The following STK40 variants were observed in gnomAD, a reference collection of about 807,000 sequenced individuals.
STK40 encodes the protein serine/threonine kinase 40.
STK40 carries 13 observed loss-of-function variants against 47.9 expected under a neutral mutation model. That is an observed-to-expected ratio of 0.27 (90% CI 0.18 to 0.43). The LOEUF is 0.43. Among genes scored for constraint, STK40 ranks in the 20% least tolerant of loss-of-function variants. The probability of loss-of-function intolerance (pLI) is 1.00; values close to 1 mark genes in which losing one functional copy is unlikely to be tolerated. For missense variants in STK40, 460 were observed against 595.1 expected (o/e 0.77, Z 2.36); for synonymous variants, 225 against 243.2 (o/e 0.93, Z 0.69).
intron 4 of STK40, 24 bp downstream of exon 4, chr1:36,358,215 A>G (rs1363272350): frequency 6.4e-7 from 1 of 1,562,870 alleles, no homozygotes; most frequent in Non-Finnish European, 8.7e-7. Context: ...GTGAGCGCGA[A>G]GGGTGAGGGG....
In STK40 at chr1:36,344,245, C is replaced by T. The variant is rs1646680167; in HGVS notation, c.759G>A (p.Lys253=). 6.2e-7 allele frequency: 1 copy of T among 1,609,134 alleles called. No homozygotes were observed. Among genetic ancestry groups the T allele is most frequent in the Admixed American group, 1.7e-5 (1 of 59,624 alleles). ...CGCCCAGGGCCCACATGTCACTGGGCTTGCCACGGTACGGCCGGCCTACGG... is the reference window on the plus strand; with the variant it reads ...CGCCCAGGGCCCACATGTCACTGGGTTTGCCACGGTACGGCCGGCCTACGG... ...DVLSGRPYRG[K]PSDMWALGVV... is the part of the protein sequence containing the mutation. The change falls in exon 8 of 11, where the codon AAG becomes AAA. Residue 253 remains lysine, a synonymous_variant. Coordinates refer to ENST00000373132, the MANE Select transcript of STK40 (RefSeq NM_001282547.2).
intron 1 of STK40, among the ~76,000 whole-genome samples, chr1:36,364,187 C>T (rs1646881694): frequency 6.6e-6 from 1 of 152,128 alleles, no homozygotes; most frequent in African/African-American, 2.4e-5. Context: ...AAATATACAT[C>T]TTGTCATACT....
chr1:36,383,548 C>T (rs1647058848), intron 1 of STK40, among the ~76,000 whole-genome samples: 1 of 152,238 alleles, frequency 6.6e-6, no homozygotes, highest in Non-Finnish European at 1.5e-5. Flanking sequence ...CTAGGTTTGT[C>T]TCCGAAGAGT....
At chr1:36,385,291 G>C (rs572746602) in intron 1 of STK40, among the ~76,000 whole-genome samples, 1 of 152,346 alleles carries the variant, frequency 6.6e-6, no homozygotes, top group South Asian at 2.1e-4. Flanking sequence ...GCCAGAGTGA[G>C]GGCTCTTGGA....
chr1:36,366,060 C>T (rs1405635293), intron 1 of STK40: 1 of 152,256 alleles, frequency 6.6e-6, no homozygotes, highest in Admixed American at 6.5e-5. Context: ...AAGTTGGTAT[C>T]ACCACCCTTC....
At chr1:36,349,843 G>T (rs1445809573) in intron 6 of STK40, among the ~76,000 whole-genome samples, 1 of 152,146 alleles carries the variant, frequency 6.6e-6, no homozygotes, top group African/African-American at 2.4e-5. Context: ...AGTGAGGAAG[G>T]ATGCCTCTCT....
chr1:36,344,319 C>T lies in STK40; in HGVS notation c.740-55G>A, dbSNP rs551839875. 320 of 1,517,160 alleles carry T rather than the reference C, an allele frequency of 2.1e-4. 2 individuals carry two copies. In the African/African-American group the frequency reaches 3.5e-3, roughly 17 times the overall value. The allele number at this position is 1,517,160 out of a possible 1,614,324, so 94.0% of individuals were successfully genotyped here. A position where few individuals can be genotyped will look rare whatever the true frequency, so the allele number is the denominator to read the frequency against. ...CAGGCCACAGCACCACCGTGGCTCACCAGCCTGGAATCCCACCTGGGACCC... is the reference window on the plus strand; with the variant it reads ...CAGGCCACAGCACCACCGTGGCTCATCAGCCTGGAATCCCACCTGGGACCC... On this transcript the variant is annotated intron_variant, in intron 7 of 10. Coordinates refer to ENST00000373132, the MANE Select transcript of STK40 (RefSeq NM_001282547.2).
chr1:36,379,314 C>T (rs989084742), intron 1 of STK40, among the ~76,000 whole-genome samples: 5 of 152,088 alleles, frequency 3.3e-5, no homozygotes, highest in African/African-American at 1.2e-4. Flanking sequence ...GGCCTGTAGA[C>T]TGCTAAGTTC....
chr1:36,378,053 C>T (rs1210873005), intron 1 of STK40, among the ~76,000 whole-genome samples: 1 of 152,256 alleles, frequency 6.6e-6, no homozygotes, highest in East Asian at 1.9e-4. Flanking sequence ...GAAGCCACAT[C>T]TGATCTGAGC....
chr1:36,371,677 C>CCTGT (rs1387884532), intron 1 of STK40, among the ~76,000 whole-genome samples: 1 of 117,160 alleles, frequency 8.5e-6, no homozygotes, highest in East Asian at 2.5e-4. Flanking sequence ...AGAGCAAGAC[C>CCTGT]CTGTCTCCAA....
In STK40 at chr1:36,341,761, C is replaced by G. The variant is rs1339030842; in HGVS notation, c.1302G>C (p.Arg434=). 1.2e-6 allele frequency: 2 copies of G among 1,610,688 alleles called. No homozygotes were observed. The change falls in exon 11 of 11, where the codon CGG becomes CGC. Residue 434 remains arginine, a synonymous_variant. Transcript: ENST00000373132. ...DTAILAQRYL[R]K Reference sequence around the variant, plus strand: ...GTGGCCCCGGCTGAGGCTGTTATTTCCGCAGGTAGCGCTGCGCCAGGATGG... The same window carrying G: ...GTGGCCCCGGCTGAGGCTGTTATTTGCGCAGGTAGCGCTGCGCCAGGATGG...
intron 2 of STK40, 117 bp downstream of exon 2, chr1:36,361,104 A>G: frequency 1.6e-6 from 2 of 1,214,014 alleles, no homozygotes; most frequent in Non-Finnish European, 2.4e-6. Context: ...GGGCAGGACC[A>G]CACACTGCTG....
At chr1:36,342,125 G>A (rs1646654904) in intron 10 of STK40, 152 bp from the exon 11 acceptor site, 1 of 739,394 alleles carries the variant, frequency 1.4e-6, no homozygotes, top group Non-Finnish European at 2.2e-6. Context: ...GGGGGTGGGA[G>A]TGGCGCTGAG....
At chr1:36,373,637 G>A (rs1646968287) in intron 1 of STK40, among the ~76,000 whole-genome samples, 1 of 152,184 alleles carries the variant, frequency 6.6e-6, no homozygotes, top group South Asian at 2.1e-4. Context: ...AGGAGGATTA[G>A]TAATCCCTCG....
At position 36,374,396 on chromosome 1, in the gene STK40, T is replaced by G. The variant is rs1161162654; in HGVS notation, c.-9+11327A>C. On this transcript the variant is annotated intron_variant, in intron 1 of 10. Transcript: ENST00000373132. Reference sequence around the variant, plus strand: ...AGAGAGAAGCTTTCTCTGCAGGCTCTCCTGGGGAAAAAATACATGGAGTTA... The same window carrying G: ...AGAGAGAAGCTTTCTCTGCAGGCTCGCCTGGGGAAAAAATACATGGAGTTA... 2.0e-5 allele frequency among the ~76,000 whole-genome samples: 3 copies of G among 152,164 alleles called. No homozygotes were observed. The East Asian group carries it at 5.8e-4, about 29-fold the overall frequency.
At chr1:36,363,592 G>A (rs2124741286) in intron 1 of STK40, among the ~76,000 whole-genome samples, 1 of 151,310 alleles carries the variant, frequency 6.6e-6, no homozygotes, top group African/African-American at 2.4e-5. Flanking sequence ...GGATCACCAG[G>A]TCAGGAGAGC....
At chr1:36,351,985 A>T (rs1004850809) in intron 6 of STK40, among the ~76,000 whole-genome samples, 10 of 152,230 alleles carry the variant, frequency 6.6e-5, no homozygotes, top group Non-Finnish European at 1.3e-4. Context: ...CTCTTTGTGA[A>T]CAGTAAGCCT....
At position 36,355,250 on chromosome 1, in the gene STK40, C is replaced by T. The variant is rs1646792443; in HGVS notation, c.526G>A (p.Val176Ile). The T allele has an allele frequency of 6.2e-7, 1 of 1,614,012 alleles. No homozygotes were observed. The highest frequency in any genetic ancestry group is 8.5e-7 in the Non-Finnish European group (1 of 1,180,046). The change falls in exon 5 of 11, where the codon GTA (valine) becomes ATA (isoleucine). Residue 176 changes from valine to isoleucine, a missense_variant. Val to Ile is a conservative substitution (Grantham distance 29). Transcript: ENST00000373132. ...EKRLSERETVVIFYDVVRVVE... is the reference protein window; with the variant it reads ...EKRLSERETVIIFYDVVRVVE... ...ACGCGGACCACGTCGTAGAAGATTACCACAGTCTCCCTCTCGCTGAGCCTC... is the reference window on the plus strand; with the variant it reads ...ACGCGGACCACGTCGTAGAAGATTATCACAGTCTCCCTCTCGCTGAGCCTC...
At position 36,344,279 on chromosome 1, in the gene STK40, A is replaced by G; in HGVS notation, c.740-15T>C. The G allele has an allele frequency of 1.3e-6, 2 of 1,578,440 alleles. No individual in the cohort carries two copies. Among genetic ancestry groups the G allele is most frequent in the Non-Finnish European group, 1.7e-6 (2 of 1,162,104 alleles). ...GTACGGCCGGCCTACGGGCACACAC[A>G]TACCACACTGTCTTCAGGCCACAGC... is the stretch of plus-strand genomic sequence containing the variant. On this transcript the variant is annotated splice_polypyrimidine_tract_variant and intron_variant, in intron 7 of 10. Transcript: ENST00000373132.
Sources: gnomAD v4.1 joint callset for allele counts (sites outside exome capture counted in the v4.1 genomes callset) on GRCh38, gnomAD v4.1.1 for gene constraint, MANE v1.5 for transcripts, NCBI Gene and HGNC (gene_info 2026-07-23, HGNC 2026-07-21) for gene names.